The following OPN5 variants were observed in gnomAD, a reference collection of about 807,000 sequenced individuals.
OPN5 encodes opsin 5.
In OPN5, 18 loss-of-function variants were observed where a neutral mutation model predicts 41.7. The ratio of observed to expected loss-of-function variants is 0.43; its 90% confidence interval spans 0.30 to 0.64. The LOEUF (loss-of-function observed/expected upper bound fraction) is 0.64, where lower values mean the gene tolerates loss of function less well. Among genes scored for constraint, OPN5 ranks in the 30% least tolerant of loss-of-function variants. The probability of loss-of-function intolerance (pLI) is 0.13; values close to 1 mark genes in which losing one functional copy is unlikely to be tolerated. For synonymous variants in OPN5, 178 were observed against 164.3 expected, an observed-to-expected ratio of 1.08 and a Z score of -0.64; for missense variants, 318 against 434.5, an observed-to-expected ratio of 0.73 and a Z score of 2.38.
At chr6:47,789,763 A>G (rs1773309265) in intron 2 of OPN5, among the ~76,000 whole-genome samples, 1 of 152,218 alleles carries the variant, frequency 6.6e-6, no homozygotes, top group South Asian at 2.1e-4. Context: ...ACCATAGAGG[A>G]ACACACCTGG....
intron 6 of OPN5, among the ~76,000 whole-genome samples, chr6:47,816,626 C>G (rs1462105609): frequency 6.6e-6 from 1 of 152,046 alleles, no homozygotes; most frequent in Non-Finnish European, 1.5e-5. Flanking sequence ...ATTGGAGACA[C>G]AGCATAGAAG....
chr6:47,796,882 T>G (rs1169046187), intron 4 of OPN5, among the ~76,000 whole-genome samples: 1 of 152,186 alleles, frequency 6.6e-6, no homozygotes, highest in Non-Finnish European at 1.5e-5. Context: ...GGAAAGAGAT[T>G]TAATTGACTC....
At chr6:47,808,345 C>G (rs1774056526) in exon 5 of OPN5, 1 of 1,613,972 alleles carries the variant, frequency 6.2e-7, no homozygotes. Context: ...TTGCCTGTTG[C>G]CAAACTGGTG....
At chr6:47,808,575 G>A (rs1172909721) in intron 5 of OPN5, among the ~76,000 whole-genome samples, 180 bp downstream of exon 5, 1 of 152,182 alleles carries the variant, frequency 6.6e-6, no homozygotes, top group African/African-American at 2.4e-5. Context: ...CTATGTAGAG[G>A]TTGTATGACA....
At chr6:47,802,998 A>G (rs1389229204) in intron 4 of OPN5, among the ~76,000 whole-genome samples, 2 of 152,114 alleles carry the variant, frequency 1.3e-5, no homozygotes, top group Non-Finnish European at 2.9e-5. Context: ...TTTATTGCTT[A>G]GATCACAATG....
At chr6:47,809,573 A>G (rs1303604262) in intron 5 of OPN5, among the ~76,000 whole-genome samples, 2 of 152,204 alleles carry the variant, frequency 1.3e-5, no homozygotes, top group African/African-American at 2.4e-5. Flanking sequence ...CAATAGCTCT[A>G]TATCTTTGAA....
At chr6:47,798,366 T>C (rs941123294) in intron 4 of OPN5, among the ~76,000 whole-genome samples, 3 of 151,872 alleles carry the variant, frequency 2.0e-5, no homozygotes, top group Non-Finnish European at 2.9e-5. Context: ...AAGGTCATTA[T>C]ACATATGAGG....
chr6:47,799,343 GAC>G (rs1485189251), intron 4 of OPN5, among the ~76,000 whole-genome samples: 2 of 151,878 alleles, frequency 1.3e-5, no homozygotes, highest in Non-Finnish European at 2.9e-5. Context: ...TTTCTTATTG[GAC>G]AGTCAAGATA....
intron 1 of OPN5, among the ~76,000 whole-genome samples, chr6:47,785,247 C>A (rs906352606): frequency 3.3e-5 from 5 of 152,166 alleles, no homozygotes; most frequent in African/African-American, 1.2e-4. Flanking sequence ...GCTTTCCTAG[C>A]TGGTTTCCTT....
chr6:47,798,428 G>C (rs1773647969), intron 4 of OPN5, among the ~76,000 whole-genome samples: 1 of 151,756 alleles, frequency 6.6e-6, no homozygotes, highest in Non-Finnish European at 1.5e-5. Flanking sequence ...TATTCCGCTT[G>C]ACTTGGACTG....
At chr6:47,802,528 A>T (rs929339250) in intron 4 of OPN5, among the ~76,000 whole-genome samples, 23 of 152,294 alleles carry the variant, frequency 1.5e-4, no homozygotes, top group African/African-American at 5.5e-4. Flanking sequence ...ATGATATCTC[A>T]GTTACCTTCT....
At chr6:47,820,219 A>T (rs1762577533) in intron 6 of OPN5, among the ~76,000 whole-genome samples, 1 of 151,990 alleles carries the variant, frequency 6.6e-6, no homozygotes, top group Non-Finnish European at 1.5e-5. Flanking sequence ...TTATGGAAAA[A>T]CTTTGCTGAA....
intron 2 of OPN5, 84 bp from the exon 3 acceptor site, chr6:47,791,718 A>T: frequency 8.9e-7 from 1 of 1,122,112 alleles, no homozygotes; most frequent in Non-Finnish European, 1.3e-6. Context: ...CCCGTGCTTT[A>T]GGGGAGGAGG....
At chr6:47,822,861 AACGAC>A (rs1364855135) in intron 6 of OPN5, among the ~76,000 whole-genome samples, 1 of 152,166 alleles carries the variant, frequency 6.6e-6, no homozygotes. Context: ...AAGTCCTCCA[AACGAC>A]ATCTTCAGTC....
chr6:47,788,594 C>T (rs1773265353), intron 2 of OPN5, among the ~76,000 whole-genome samples: 1 of 152,132 alleles, frequency 6.6e-6, no homozygotes, highest in South Asian at 2.1e-4. Flanking sequence ...AATGCATTTT[C>T]CCTTCCAATA....
At chr6:47,795,589 G>T in intron 4 of OPN5, 26 bp downstream of exon 4, 1 of 1,528,586 alleles carries the variant, frequency 6.5e-7, no homozygotes, top group South Asian at 1.1e-5. Context: ...TTTTACACAT[G>T]TGTTTTCTGA....
At chr6:47,787,133 A>G (rs1773217164) in intron 2 of OPN5, 2 of 982,458 alleles carry the variant, frequency 2.0e-6, no homozygotes, top group Non-Finnish European at 2.4e-6. Flanking sequence ...GATATATGTA[A>G]TCATGACTTA....
In OPN5 at chr6:47,808,203, C is replaced by CA; in HGVS notation, c.807dup (p.Val270SerfsTer41). On this transcript the variant is annotated frameshift_variant, in exon 5 of 7. Transcript: ENST00000371211. LOFTEE classifies it high-confidence loss of function. ...TTCCTGATTGCCTGGATTCCTTATGCAGTGGTGTCTGTGTGGTCAGCTTTT... is the reference window on the plus strand; with the variant it reads ...TTCCTGATTGCCTGGATTCCTTATGCAAGTGGTGTCTGTGTGGTCAGCTTTT... The CA allele has an allele frequency of 6.2e-7, 1 of 1,613,568 alleles. No individual in the cohort carries two copies. The highest frequency in any genetic ancestry group is 8.5e-7 in the Non-Finnish European group (1 of 1,179,632).
chr6:47,822,328 A>G (rs566015960), intron 6 of OPN5, among the ~76,000 whole-genome samples: 4 of 152,272 alleles, frequency 2.6e-5, no homozygotes, highest in African/African-American at 9.6e-5. Flanking sequence ...AGAGTTTGTT[A>G]TTCATTGAAT....
Sources: allele counts gnomAD v4.1 joint callset (sites outside exome capture counted in the v4.1 genomes callset), GRCh38; gene constraint gnomAD v4.1.1; transcripts MANE v1.5; gene names NCBI Gene and HGNC (gene_info 2026-07-23, HGNC 2026-07-21).